Variants in RUNX2 observed in about 807,000 individuals in gnomAD.
The protein encoded by RUNX2 is runt-related transcription factor 2.
RUNX2 carries 10 observed loss-of-function variants against 51.7 expected under a neutral mutation model. The observed-to-expected ratio is 0.19, with a 90% CI of 0.12 to 0.33. The LOEUF is 0.33. Among genes scored for constraint, RUNX2 ranks in the 10% least tolerant of loss-of-function variants. The pLI is 1.00. For synonymous variants in RUNX2, 276 were observed against 273.6 expected, an observed-to-expected ratio of 1.01 and a Z score of -0.09; for missense variants, 562 against 691.3, an observed-to-expected ratio of 0.81 and a Z score of 2.10.
At chr6:45,460,109 G>A (rs73448149) in intron 5 of RUNX2, among the ~76,000 whole-genome samples, 24 of 152,292 alleles carry the variant, frequency 1.6e-4, no homozygotes, top group Admixed American at 3.3e-4. Flanking sequence ...CAGGCTCTAG[G>A]TCAAATCTGG....
chr6:45,349,523 A>T (rs1791595408), intron 2 of RUNX2, among the ~76,000 whole-genome samples: 2 of 152,150 alleles, frequency 1.3e-5, no homozygotes, highest in South Asian at 4.1e-4. Context: ...TTCACCCTTG[A>T]TTTATTCAAT....
At chr6:45,376,924 T>C (rs569842699) in intron 2 of RUNX2, among the ~76,000 whole-genome samples, 1 of 151,752 alleles carries the variant, frequency 6.6e-6, no homozygotes, top group African/African-American at 2.4e-5. Context: ...CACACATTTC[T>C]TTCTACCGAA....
Position 45,547,648 on chromosome 6 carries a change from G to A in RUNX2, c.*343G>A, listed in dbSNP as rs1802444487. 1 of 329,028 alleles carries A rather than the reference G, an allele frequency of 3.0e-6. No homozygotes were observed. Among genetic ancestry groups the A allele is most frequent in the Non-Finnish European group, 5.8e-6 (1 of 171,788 alleles). The allele number at this position is 329,028 out of a possible 1,614,324, so 20.4% of individuals were successfully genotyped here. A position where few individuals can be genotyped will look rare whatever the true frequency, so the allele number is the denominator to read the frequency against. Reference sequence around the variant, plus strand: ...CCTGTTCATATGCCAATTCAGAGAGGTGGACTCCAGGTTCAGGAGGGAGAA... The same window carrying A: ...CCTGTTCATATGCCAATTCAGAGAGATGGACTCCAGGTTCAGGAGGGAGAA... On this transcript the variant is annotated 3_prime_UTR_variant, in exon 9 of 9. Transcript: ENST00000647337.
chr6:45,358,800 G>A (rs1371615167), intron 2 of RUNX2, among the ~76,000 whole-genome samples: 1 of 152,150 alleles, frequency 6.6e-6, no homozygotes, highest in East Asian at 1.9e-4. Flanking sequence ...CAGGAACATG[G>A]TGAAACGTAT....
intron 2 of RUNX2, among the ~76,000 whole-genome samples, chr6:45,370,665 T>G (rs1795907631): frequency 6.6e-6 from 1 of 152,114 alleles, no homozygotes; most frequent in Non-Finnish European, 1.5e-5. Context: ...CTAAAAAAAA[T>G]CTGAATTGAA....
At chr6:45,511,171 A>T (rs948979814) in intron 6 of RUNX2, among the ~76,000 whole-genome samples, 1 of 152,260 alleles carries the variant, frequency 6.6e-6, no homozygotes, top group Non-Finnish European at 1.5e-5. Flanking sequence ...CTTTGGAAAC[A>T]TACAGCACAT....
intron 7 of RUNX2, among the ~76,000 whole-genome samples, chr6:45,534,681 G>A (rs1263131538): frequency 6.6e-6 from 1 of 152,218 alleles, no homozygotes; most frequent in African/African-American, 2.4e-5. Flanking sequence ...CACAGGTAGA[G>A]TAAGTAGGAA....
chr6:45,432,567 A>G (rs1239730375), intron 4 of RUNX2, among the ~76,000 whole-genome samples: 1 of 152,200 alleles, frequency 6.6e-6, no homozygotes, highest in African/African-American at 2.4e-5. Flanking sequence ...TACTTATGTT[A>G]GAGTGACTAT....
intron 2 of RUNX2, chr6:45,422,210 AGGACGCGGTGCCCCAAG>A (rs1280810561): frequency 4.5e-6 from 1 of 222,010 alleles, no homozygotes; most frequent in African/African-American, 2.4e-5. Context: ...CAGCGCACCC[AGGACGCGGTGCCCCAAG>A]GGACCCCATT....
rs114046523 is a variant in RUNX2 at position 45,371,687 on chromosome 6, A to T, written c.58+42903A>T. ...TAGCAGTCAGGGGACTTACATGGTC[A>T]TTAAGTTATCTTGGAGACTGATGAC... On this transcript the variant is annotated intron_variant, in intron 2 of 8. Transcript: ENST00000647337. Among the ~76,000 whole-genome samples the T allele has an allele frequency of 2.5e-3, 388 of 152,338 alleles. 2 individuals are homozygous for T. The highest frequency in any genetic ancestry group is 8.5e-3 in the African/African-American group (354 of 41,574).
chr6:45,532,020 A>G (rs1801865754), intron 7 of RUNX2, among the ~76,000 whole-genome samples: 1 of 152,188 alleles, frequency 6.6e-6, no homozygotes, highest in Non-Finnish European at 1.5e-5. Context: ...AAATTTAAGG[A>G]TGAAAGACTT....
At chr6:45,333,129 T>G (rs189573216) in intron 2 of RUNX2, among the ~76,000 whole-genome samples, 1 of 151,776 alleles carries the variant, frequency 6.6e-6, no homozygotes, top group African/African-American at 2.4e-5. Context: ...AACAAATCTT[T>G]AAAAGAAGTC....
chr6:45,423,030 G>A, intron 3 of RUNX2, 73 bp downstream of exon 3: 3 of 1,562,084 alleles, frequency 1.9e-6, no homozygotes, highest in Middle Eastern at 2.3e-4. Flanking sequence ...TCCTGCCCAC[G>A]GGGCTGGGCC....
intron 7 of RUNX2, among the ~76,000 whole-genome samples, chr6:45,516,648 T>C (rs971026810): frequency 1.3e-5 from 2 of 152,240 alleles, no homozygotes; most frequent in African/African-American, 4.8e-5. Flanking sequence ...TTATTTCTCA[T>C]TGATTCTAGT....
At chr6:45,493,068 A>T (rs1167698048) in intron 6 of RUNX2, among the ~76,000 whole-genome samples, 1 of 152,198 alleles carries the variant, frequency 6.6e-6, no homozygotes, top group East Asian at 1.9e-4. Flanking sequence ...GTCTCAAAAC[A>T]TAATTGTTTA....
chr6:45,491,886 T>C (rs1183263379), intron 5 of RUNX2, 55 bp from the exon 6 acceptor site: 1 of 1,541,938 alleles, frequency 6.5e-7, no homozygotes, highest in Non-Finnish European at 9.0e-7. Context: ...CTATTTAGCA[T>C]GGTCAATTGT....
intron 4 of RUNX2, among the ~76,000 whole-genome samples, chr6:45,436,743 C>T (rs1251818838): frequency 1.8e-4 from 27 of 152,164 alleles, no homozygotes; most frequent in Non-Finnish European, 2.9e-5. Context: ...TGTATATAAC[C>T]TGTTCCATAT....
At position 45,368,787 on chromosome 6, in the gene RUNX2, C is replaced by T. The variant is rs1042648208; in HGVS notation, c.58+40003C>T. ...ACAGAGTCTCAATTCTAATGATAAC[C>T]TGAACATCTCACATAATATAAATTA... On this transcript the variant is annotated intron_variant, in intron 2 of 8. Transcript: ENST00000647337. Among the ~76,000 whole-genome samples the T allele has an allele frequency of 3.3e-5, 5 of 152,118 alleles. No individual in the cohort carries two copies. The South Asian group carries it at 1.0e-3, about 32-fold the overall frequency.
intron 5 of RUNX2, among the ~76,000 whole-genome samples, chr6:45,441,053 C>G (rs868327762): frequency 1.3e-5 from 2 of 152,226 alleles, no homozygotes; most frequent in Non-Finnish European, 1.5e-5. Context: ...AAAGGCTTTC[C>G]TGGGGCAGTG....
Sources: allele counts gnomAD v4.1 joint callset (sites outside exome capture counted in the v4.1 genomes callset), GRCh38; gene constraint gnomAD v4.1.1; transcripts MANE v1.5; gene names NCBI Gene and HGNC (gene_info 2026-07-23, HGNC 2026-07-21).